The following STAC variants were observed in gnomAD, a reference collection of about 807,000 sequenced individuals.
STAC encodes the protein SH3 and cysteine-rich domain-containing protein.
In STAC, 43 loss-of-function variants were observed where a neutral mutation model predicts 48.8. That is an observed-to-expected ratio of 0.88 (90% CI 0.69 to 1.14). STAC has a LOEUF of 1.14. STAC is among the 50% of genes most tolerant of loss of function. The probability of loss-of-function intolerance (pLI) is 0.00; values close to 1 mark genes in which losing one functional copy is unlikely to be tolerated. For synonymous variants in STAC, 193 were observed against 179.5 expected (o/e 1.07, Z -0.60); for missense variants, 497 against 504.0 (o/e 0.99, Z 0.13).
At chr3:36,430,028 T>C (rs1358439281) in intron 1 of STAC, among the ~76,000 whole-genome samples, 1 of 152,118 alleles carries the variant, frequency 6.6e-6, no homozygotes, top group Non-Finnish European at 1.5e-5. Flanking sequence ...AAGGGAGGAC[T>C]CAAAGAGTCT....
In STAC at chr3:36,458,949, CAG is replaced by C. The variant is rs1696926480; in HGVS notation, c.388+15310_388+15311del. 1.3e-5 allele frequency among the ~76,000 whole-genome samples: 2 copies of C among 152,142 alleles called. 1 individual carries two copies. Among genetic ancestry groups the C allele is most frequent in the East Asian group, 3.9e-4 (2 of 5,192 alleles). ...AGGCCCTGAGATTCTGCATTCCTAA[CAG>C]GGTCTCAGGTAATGCTAGTGATGCT... is the stretch of plus-strand genomic sequence containing the variant. On this transcript the variant is annotated intron_variant, in intron 2 of 10. Transcript: ENST00000273183.
At chr3:36,441,666 C>A (rs1169424356) in intron 1 of STAC, among the ~76,000 whole-genome samples, 1 of 152,128 alleles carries the variant, frequency 6.6e-6, no homozygotes, top group Admixed American at 6.5e-5. Flanking sequence ...TAGAGGAACC[C>A]CCATACTGTT....
Position 36,544,531 on chromosome 3 carries a change from T to A in STAC, c.1111-1660T>A, listed in dbSNP as rs2125506935. 1.3e-5 allele frequency among the ~76,000 whole-genome samples: 2 copies of A among 152,264 alleles called. 1 individual carries two copies. Among genetic ancestry groups the A allele is most frequent in the South Asian group, 4.2e-4 (2 of 4,818 alleles). On this transcript the variant is annotated intron_variant, in intron 10 of 10. Transcript: ENST00000273183. ...TTATTTATTTTGTGGAGGTACAAGT[T>A]TTCATTCTGATTAGACCCTATTATT...
chr3:36,539,832 T>G (rs13066411), intron 10 of STAC, among the ~76,000 whole-genome samples: 2 of 152,214 alleles, frequency 1.3e-5, no homozygotes, highest in East Asian at 3.9e-4. Context: ...TTTATTGTAA[T>G]AGTCTTGGTC....
At chr3:36,496,194 C>A (rs759730202) in intron 6 of STAC, among the ~76,000 whole-genome samples, 3 of 152,222 alleles carry the variant, frequency 2.0e-5, no homozygotes, top group Non-Finnish European at 2.9e-5. Context: ...GTATTAACAA[C>A]TCTTTTGATC....
intron 8 of STAC, among the ~76,000 whole-genome samples, chr3:36,525,760 G>T (rs767467730): frequency 1.5e-4 from 23 of 151,918 alleles, no homozygotes; most frequent in Non-Finnish European, 2.8e-4. Context: ...GTGATTTTCA[G>T]CCACCTCGCT....
chr3:36,514,863 C>T (rs1372377865), intron 8 of STAC, among the ~76,000 whole-genome samples: 4 of 151,768 alleles, frequency 2.6e-5, no homozygotes, highest in Admixed American at 2.6e-4. Flanking sequence ...GGTGACACCC[C>T]GTCTCTATTA....
intron 6 of STAC, among the ~76,000 whole-genome samples, chr3:36,501,195 TC>T (rs1471027071): frequency 6.6e-6 from 1 of 152,032 alleles, no homozygotes; most frequent in Non-Finnish European, 1.5e-5. Flanking sequence ...ACAACACGTA[TC>T]CAAAGTGCTA....
intron 5 of STAC, among the ~76,000 whole-genome samples, chr3:36,488,494 G>A: frequency 6.6e-6 from 1 of 152,068 alleles, no homozygotes; most frequent in Non-Finnish European, 1.5e-5. Context: ...GTCTGCTTTT[G>A]CTTGGTCTTC....
chr3:36,538,598 G>T (rs994497683), intron 10 of STAC, among the ~76,000 whole-genome samples: 7 of 152,090 alleles, frequency 4.6e-5, no homozygotes, highest in East Asian at 1.9e-4. Flanking sequence ...CATTCAGAAA[G>T]GTCGTGCCAA....
chr3:36,484,145 A>C (rs1697734850), intron 3 of STAC, among the ~76,000 whole-genome samples: 1 of 152,136 alleles, frequency 6.6e-6, no homozygotes, highest in East Asian at 1.9e-4. Flanking sequence ...CTGGGGAAAG[A>C]CCTAAGATCA....
chr3:36,400,764 G>A (rs1422016051), intron 1 of STAC, among the ~76,000 whole-genome samples: 1 of 152,190 alleles, frequency 6.6e-6, no homozygotes, highest in Non-Finnish European at 1.5e-5. Context: ...TGCCATAGAA[G>A]TAAATACCTA....
At chr3:36,410,405 A>T (rs1405846072) in intron 1 of STAC, among the ~76,000 whole-genome samples, 18 of 152,132 alleles carry the variant, frequency 1.2e-4, no homozygotes, top group South Asian at 2.1e-4. Flanking sequence ...CTTTATGAGG[A>T]TTCTTTCTTT....
intron 1 of STAC, among the ~76,000 whole-genome samples, chr3:36,385,775 T>C (rs914750156): frequency 2.0e-5 from 3 of 152,140 alleles, no homozygotes; most frequent in Admixed American, 1.3e-4. Flanking sequence ...GCCTGACTTC[T>C]TTCACTCAAC....
At chr3:36,544,983 T>G (rs1194351157) in intron 10 of STAC, among the ~76,000 whole-genome samples, 2 of 152,194 alleles carry the variant, frequency 1.3e-5, no homozygotes, top group African/African-American at 2.4e-5. Context: ...AATCAAGCTC[T>G]TTGAGTGTCC....
intron 2 of STAC, among the ~76,000 whole-genome samples, chr3:36,470,795 C>G (rs563038318): frequency 6.6e-6 from 1 of 152,338 alleles, no homozygotes; most frequent in East Asian, 1.9e-4. Context: ...ATTTTAAATG[C>G]TATCAAAAAT....
intron 8 of STAC, among the ~76,000 whole-genome samples, chr3:36,519,842 G>A (rs1268471486): frequency 6.6e-6 from 1 of 152,188 alleles, no homozygotes; most frequent in Admixed American, 6.5e-5. Context: ...CATAGGCAAT[G>A]AGGAATGCTG....
At chr3:36,505,859 A>G in intron 8 of STAC, 25 bp downstream of exon 8, 1 of 1,513,374 alleles carries the variant, frequency 6.6e-7, no homozygotes, top group East Asian at 2.3e-5. Flanking sequence ...TAAAGAAAAA[A>G]AAGAGTAAAA....
At chr3:36,400,480 C>T (rs1699979257) in intron 1 of STAC, among the ~76,000 whole-genome samples, 1 of 152,204 alleles carries the variant, frequency 6.6e-6, no homozygotes, top group Non-Finnish European at 1.5e-5. Context: ...ATAACACACA[C>T]ATACTACAAG....
Sources: allele counts gnomAD v4.1 joint callset (sites outside exome capture counted in the v4.1 genomes callset), GRCh38; gene constraint gnomAD v4.1.1; transcripts MANE v1.5; gene names NCBI Gene and HGNC (gene_info 2026-07-23, HGNC 2026-07-21).